Variants in MAPKAP1 observed in about 807,000 individuals in gnomAD.
MAPKAP1 encodes the protein target of rapamycin complex 2 subunit MAPKAP1.
A neutral mutation model predicts 65.7 loss-of-function variants in MAPKAP1; 20 were observed. That is an observed-to-expected ratio of 0.30 (90% confidence interval 0.21 to 0.44). The LOEUF (loss-of-function observed/expected upper bound fraction) is 0.44, where lower values mean the gene tolerates loss of function less well. Ranked by LOEUF, MAPKAP1 falls within the 20% of genes least tolerant of loss-of-function variation. MAPKAP1 has a pLI of 1.00. For missense variants in MAPKAP1, 423 were observed against 648.0 expected, an observed-to-expected ratio of 0.65 and a Z score of 3.77; for synonymous variants, 222 against 244.3, an observed-to-expected ratio of 0.91 and a Z score of 0.85.
At chr9:125,572,550 G>C (rs1372408404) in intron 5 of MAPKAP1, among the ~76,000 whole-genome samples, 1 of 152,184 alleles carries the variant, frequency 6.6e-6, no homozygotes, top group Non-Finnish European at 1.5e-5. Flanking sequence ...AGCCTCATTA[G>C]TTGTTTTTAA....
chr9:125,525,528 C>A (rs1271976407), intron 7 of MAPKAP1, among the ~76,000 whole-genome samples: 2 of 152,012 alleles, frequency 1.3e-5, no homozygotes, highest in Non-Finnish European at 2.9e-5. Flanking sequence ...ACAAAATTAG[C>A]CGGGTGCGGT....
At chr9:125,621,693 G>C (rs558188295) in intron 4 of MAPKAP1, among the ~76,000 whole-genome samples, 27 of 152,274 alleles carry the variant, frequency 1.8e-4, no homozygotes, top group African/African-American at 6.0e-4. Context: ...CTAACTGAAG[G>C]CTGCTTTAGA....
intron 7 of MAPKAP1, among the ~76,000 whole-genome samples, chr9:125,539,871 T>C (rs1830189689): frequency 6.6e-6 from 1 of 152,036 alleles, no homozygotes; most frequent in Non-Finnish European, 1.5e-5. Flanking sequence ...AATGAAAGGC[T>C]GAAGAGAAAC....
At chr9:125,693,752 CATATAT>C (rs1218303449) in intron 1 of MAPKAP1, among the ~76,000 whole-genome samples, 144 of 148,810 alleles carry the variant, frequency 9.7e-4, no homozygotes, top group Non-Finnish European at 1.4e-3. Flanking sequence ...TATATATACA[CATATAT>C]ACACGTATAT....
At chr9:125,528,005 G>A (rs1283797445) in intron 7 of MAPKAP1, among the ~76,000 whole-genome samples, 1 of 152,222 alleles carries the variant, frequency 6.6e-6, no homozygotes, top group Non-Finnish European at 1.5e-5. Context: ...GCTACGAGCT[G>A]TGGACTGGTT....
At chr9:125,691,939 C>T (rs1835183132) in intron 1 of MAPKAP1, among the ~76,000 whole-genome samples, 1 of 152,146 alleles carries the variant, frequency 6.6e-6, no homozygotes, top group African/African-American at 2.4e-5. Context: ...GATCATTTCC[C>T]ACCTATTTAA....
intron 3 of MAPKAP1, among the ~76,000 whole-genome samples, chr9:125,667,488 T>TC (rs1834374484): frequency 2.3e-4 from 1 of 4,342 alleles, no homozygotes; most frequent in South Asian, 0.12. Flanking sequence ...CCCAGCTAAT[T>TC]TATATTTTTA....
Position 125,585,705 on chromosome 9 carries a change from G to A in MAPKAP1, c.521C>T (p.Thr174Ile). The A allele has an allele frequency of 6.2e-7, 1 of 1,614,156 alleles. No homozygotes were observed. Among genetic ancestry groups the A allele is most frequent in the Non-Finnish European group, 8.5e-7 (1 of 1,180,028 alleles). ...DGKGHVGTTA[T>I]KKIDVYLPLH... ...AGGGAGGTAGACATCGATCTTCTTG[G>A]TTGCTGTTGTACCTACATGACCCTG... is the stretch of plus-strand genomic sequence containing the variant. Residue 174 changes from threonine to isoleucine, a missense_variant, in exon 5 of 12, where the codon ACC (threonine) becomes ATC (isoleucine). Physicochemically the swap from Thr to Ile is moderately conservative, Grantham distance 89. This residue lies in a region of MAPKAP1 where 98 missense variants were observed against 200.5 expected (regional missense o/e 0.49). Coordinates refer to ENST00000265960, the MANE Select transcript of MAPKAP1 (RefSeq NM_001006617.3).
intron 6 of MAPKAP1, among the ~76,000 whole-genome samples, chr9:125,544,770 C>T (rs947968906): frequency 1.3e-5 from 2 of 152,152 alleles, no homozygotes; most frequent in East Asian, 1.9e-4. Flanking sequence ...TTCATATTGA[C>T]GAGAAATCTG....
At chr9:125,543,690 G>A (rs1422129862) in intron 6 of MAPKAP1, among the ~76,000 whole-genome samples, 2 of 152,178 alleles carry the variant, frequency 1.3e-5, no homozygotes, top group Admixed American at 6.5e-5. Flanking sequence ...AACGATTCTA[G>A]CGTGAGCAGT....
chr9:125,573,955 C>G (rs959216303), intron 5 of MAPKAP1, among the ~76,000 whole-genome samples: 6 of 152,170 alleles, frequency 3.9e-5, no homozygotes, highest in Admixed American at 6.5e-5. Context: ...TGCCCACTTC[C>G]TTCAATAGAC....
chr9:125,575,600 A>G (rs535894530), intron 5 of MAPKAP1, among the ~76,000 whole-genome samples: 16 of 152,372 alleles, frequency 1.1e-4, no homozygotes, highest in African/African-American at 3.8e-4. Flanking sequence ...AAATAAGCAT[A>G]TGAAGATGCT....
At chr9:125,673,289 C>T (rs1450863216) in intron 1 of MAPKAP1, among the ~76,000 whole-genome samples, 2 of 152,130 alleles carry the variant, frequency 1.3e-5, no homozygotes, top group Non-Finnish European at 2.9e-5. Context: ...AGTGCAGTGG[C>T]GTGATCTTGG....
intron 4 of MAPKAP1, among the ~76,000 whole-genome samples, chr9:125,628,876 C>G (rs556874047): frequency 6.6e-6 from 1 of 151,854 alleles, no homozygotes; most frequent in Non-Finnish European, 1.5e-5. Context: ...TCAACAACAA[C>G]AACAACAACA....
At chr9:125,698,294 T>TATATATATATATATAAA (rs1835469426) in intron 1 of MAPKAP1, among the ~76,000 whole-genome samples, 3 of 6,320 alleles carry the variant, frequency 4.7e-4, no homozygotes, top group African/African-American at 2.0e-3. Flanking sequence ...TATAAATATA[T>TATATATATATATATAAA]ATATATATAT....
rs777677616 is a variant in MAPKAP1 at position 125,536,218 on chromosome 9, C to T, written c.958+6841G>A. Among the ~76,000 whole-genome samples the T allele has an allele frequency of 9.9e-5, 15 of 152,116 alleles. No individual in the cohort carries two copies. The South Asian group carries it at 1.0e-3, about 11-fold the overall frequency. On this transcript the variant is annotated intron_variant, in intron 7 of 11. Transcript: ENST00000265960. Reference sequence around the variant, plus strand: ...TTGACTGCAATGCCACTATCTTCAACGTGCTGTACTCTATATTTGGGAAGA... The same window carrying T: ...TTGACTGCAATGCCACTATCTTCAATGTGCTGTACTCTATATTTGGGAAGA...
intron 6 of MAPKAP1, among the ~76,000 whole-genome samples, chr9:125,546,614 G>A (rs1830432771): frequency 6.6e-6 from 1 of 151,968 alleles, no homozygotes; most frequent in South Asian, 2.1e-4. Context: ...ATTTTTTATG[G>A]GCTTTCTAAA....
chr9:125,454,246 C>T (rs1853075649), intron 10 of MAPKAP1, among the ~76,000 whole-genome samples: 1 of 152,352 alleles, frequency 6.6e-6, no homozygotes, highest in Non-Finnish European at 1.5e-5. Flanking sequence ...TACCACACTG[C>T]ATTTCAATAA....
At chr9:125,703,903 T>A (rs1034403606) in intron 1 of MAPKAP1, among the ~76,000 whole-genome samples, 2 of 152,052 alleles carry the variant, frequency 1.3e-5, no homozygotes, top group African/African-American at 4.8e-5. Context: ...TTAGGCTGAA[T>A]CATATAAATC....
Sources: allele counts gnomAD v4.1 joint callset (sites outside exome capture counted in the v4.1 genomes callset), GRCh38; gene constraint gnomAD v4.1.1; regional missense constraint gnomAD v4.1.1; transcripts MANE v1.5; gene names NCBI Gene and HGNC (gene_info 2026-07-23, HGNC 2026-07-21).